The following RAPGEF4 variants were observed in gnomAD, a reference collection of about 807,000 sequenced individuals.
RAPGEF4 encodes Rap guanine nucleotide exchange factor 4.
A neutral mutation model predicts 147.9 loss-of-function variants in RAPGEF4; 66 were observed. The observed-to-expected ratio is 0.45, with a 90% CI of 0.37 to 0.55. The LOEUF (loss-of-function observed/expected upper bound fraction) is 0.55, where lower values mean the gene tolerates loss of function less well. Among genes scored for constraint, RAPGEF4 ranks in the 20% least tolerant of loss-of-function variants. The probability of loss-of-function intolerance (pLI) is 0.00; values close to 1 mark genes in which losing one functional copy is unlikely to be tolerated. For missense variants in RAPGEF4, 1,071 were observed against 1,257.3 expected, an observed-to-expected ratio of 0.85 and a Z score of 2.24; for synonymous variants, 419 against 442.7, an observed-to-expected ratio of 0.95 and a Z score of 0.67.
At chr2:172,845,633 C>G (rs115645789) in intron 4 of RAPGEF4, among the ~76,000 whole-genome samples, 216 of 152,232 alleles carry the variant, frequency 1.4e-3, no homozygotes, top group African/African-American at 4.9e-3. Context: ...TGAAAATGTT[C>G]CTGAAGCATG....
At chr2:172,943,130 G>A (rs1687336196) in intron 6 of RAPGEF4, among the ~76,000 whole-genome samples, 1 of 152,132 alleles carries the variant, frequency 6.6e-6, no homozygotes, top group South Asian at 2.1e-4. Flanking sequence ...CAAAACAAAA[G>A]CGTTTGGCAT....
rs71018528 is a variant in RAPGEF4 at position 172,995,245 on chromosome 2, T to TTGTGTG, written c.1491-1181_1491-1176dup. ...TTCATTGTTGTTTTTACTTGCCTGTTTGTGTGTGTGTGTGTGTGTGTGTGT... is the reference window on the plus strand; with the variant it reads ...TTCATTGTTGTTTTTACTTGCCTGTTTGTGTGTGTGTGTGTGTGTGTGTGTGTGTGT... On this transcript the variant is annotated intron_variant, in intron 15 of 30. Transcript: ENST00000397081. 5.9e-3 allele frequency among the ~76,000 whole-genome samples: 817 copies of TTGTGTG among 138,672 alleles called. 13 individuals are homozygous for TTGTGTG. The highest frequency in any genetic ancestry group is 0.021 in the African/African-American group (771 of 36,438). The allele number at this position is 138,672 out of a possible 152,430, so 91.0% of individuals were successfully genotyped here.
At chr2:172,831,892 C>A (rs377030730) in intron 4 of RAPGEF4, among the ~76,000 whole-genome samples, 1 of 152,092 alleles carries the variant, frequency 6.6e-6, no homozygotes, top group Non-Finnish European at 1.5e-5. Context: ...GGCAAGCATC[C>A]CTTGTGGGGT....
intron 4 of RAPGEF4, among the ~76,000 whole-genome samples, chr2:172,914,214 A>C (rs769058678): frequency 1.3e-5 from 2 of 151,476 alleles, no homozygotes; most frequent in Non-Finnish European, 2.9e-5. Flanking sequence ...TGTTTGGTTT[A>C]CTATTACATA....
intron 15 of RAPGEF4, among the ~76,000 whole-genome samples, chr2:172,993,768 A>G (rs900637755): frequency 6.6e-6 from 1 of 152,182 alleles, no homozygotes; most frequent in African/African-American, 2.4e-5. Flanking sequence ...TCCATCTTGG[A>G]GTCCCCCACC....
At chr2:172,806,741 C>T (rs1414937101) in intron 3 of RAPGEF4, among the ~76,000 whole-genome samples, 3 of 152,174 alleles carry the variant, frequency 2.0e-5, no homozygotes, top group Non-Finnish European at 4.4e-5. Context: ...ATTTCATCCC[C>T]TCATCTATCA....
intron 4 of RAPGEF4, among the ~76,000 whole-genome samples, chr2:172,892,794 G>A (rs1575154820): frequency 6.6e-6 from 1 of 152,200 alleles, no homozygotes; most frequent in East Asian, 1.9e-4. Flanking sequence ...TTTAGGCTCT[G>A]CTTTCACGTT....
At chr2:172,983,730 G>A (rs762209005) in intron 11 of RAPGEF4, 150 bp downstream of exon 11, 128 of 1,398,842 alleles carry the variant, frequency 9.2e-5, no homozygotes, top group Non-Finnish European at 1.2e-4. Context: ...TGCTGAGGAA[G>A]TTATACCCAA....
intron 3 of RAPGEF4, among the ~76,000 whole-genome samples, chr2:172,805,209 A>G (rs967120335): frequency 6.6e-6 from 1 of 152,126 alleles, no homozygotes; most frequent in South Asian, 2.1e-4. Flanking sequence ...TGGAGGGGAG[A>G]CAATGGTCCC....
At chr2:172,975,733 A>G (rs1275403457) in intron 10 of RAPGEF4, among the ~76,000 whole-genome samples, 1 of 152,180 alleles carries the variant, frequency 6.6e-6, no homozygotes, top group Non-Finnish European at 1.5e-5. Context: ...CTCAAAAAAC[A>G]TTTGCATTTT....
At chr2:173,027,829 T>C (rs760787494) in intron 25 of RAPGEF4, among the ~76,000 whole-genome samples, 1 of 152,204 alleles carries the variant, frequency 6.6e-6, no homozygotes, top group African/African-American at 2.4e-5. Context: ...AGGGGCCAGT[T>C]AGAGTTCTCC....
intron 4 of RAPGEF4, among the ~76,000 whole-genome samples, chr2:172,869,434 C>T (rs1351842924): frequency 6.6e-6 from 1 of 152,106 alleles, no homozygotes; most frequent in East Asian, 1.9e-4. Context: ...TAATTTTATG[C>T]TGTATATTAG....
Position 172,864,687 on chromosome 2 carries a change from T to C in RAPGEF4, c.444+50262T>C, listed in dbSNP as rs192516941. Reference sequence around the variant, plus strand: ...GGGAGGCTGAGGTGGGTGGATCACTTGAGGCTAGGAGTTCGAGACTAGCCT... The same window carrying C: ...GGGAGGCTGAGGTGGGTGGATCACTCGAGGCTAGGAGTTCGAGACTAGCCT... On this transcript the variant is annotated intron_variant, in intron 4 of 30. Transcript: ENST00000397081. 5.3e-3 allele frequency among the ~76,000 whole-genome samples: 803 copies of C among 152,350 alleles called. 6 individuals are homozygous for C. The highest frequency in any genetic ancestry group is 0.018 in the African/African-American group (753 of 41,588).
At position 172,771,074 on chromosome 2, in the gene RAPGEF4, A is replaced by C. The variant is rs1303615773; in HGVS notation, c.66-23951A>C. Among the ~76,000 whole-genome samples, 7 of 152,060 alleles carry C rather than the reference A, an allele frequency of 4.6e-5. No individual in the cohort carries two copies. The East Asian group carries it at 1.3e-3, about 29-fold the overall frequency. The stretch of plus-strand genomic sequence containing the variant: ...ATAGGCTGGTCATTTATAAATAATA[A>C]ATTATTTAAATAATTTATTTTAATA... On this transcript the variant is annotated intron_variant, in intron 1 of 30. Transcript: ENST00000397081.
chr2:172,976,179 C>T (rs531715346), intron 10 of RAPGEF4, among the ~76,000 whole-genome samples: 4 of 152,296 alleles, frequency 2.6e-5, no homozygotes, highest in Non-Finnish European at 4.4e-5. Context: ...GAACTTAAAA[C>T]GTCCTTTTTG....
chr2:173,016,908 T>C (rs1270905521), intron 19 of RAPGEF4, among the ~76,000 whole-genome samples: 1 of 152,162 alleles, frequency 6.6e-6, no homozygotes, highest in African/African-American at 2.4e-5. Context: ...AGAGAGTGAG[T>C]GTGCTGCTAG....
chr2:173,048,465 C>T, intron 29 of RAPGEF4, 135 bp from the exon 30 acceptor site: 1 of 1,450,268 alleles, frequency 6.9e-7, no homozygotes, highest in South Asian at 1.5e-5. Flanking sequence ...AGCTAGTTGC[C>T]TTCAGATAGT....
At chr2:173,006,938 T>C (rs1054651002) in intron 17 of RAPGEF4, among the ~76,000 whole-genome samples, 1 of 152,224 alleles carries the variant, frequency 6.6e-6, no homozygotes, top group African/African-American at 2.4e-5. Flanking sequence ...GCAATTTGAG[T>C]TTGTTTCCAT....
At chr2:172,826,808 AAC>A (rs918896462) in intron 4 of RAPGEF4, among the ~76,000 whole-genome samples, 1 of 152,094 alleles carries the variant, frequency 6.6e-6, no homozygotes, top group Non-Finnish European at 1.5e-5. Flanking sequence ...CTCTACAAGA[AAC>A]ACACACAAAA....
Sources: allele counts gnomAD v4.1 joint callset (sites outside exome capture counted in the v4.1 genomes callset), GRCh38; gene constraint gnomAD v4.1.1; transcripts MANE v1.5; gene names NCBI Gene and HGNC (gene_info 2026-07-23, HGNC 2026-07-21).